TIA1: variants seen among roughly 807,000 people sequenced by gnomAD.
TIA1 encodes the protein cytotoxic granule associated RNA binding protein TIA1.
Under a neutral mutation model 65.9 loss-of-function variants are expected in TIA1, and 23 were observed. The observed-to-expected ratio is 0.35, with a 90% CI of 0.25 to 0.49. TIA1 has a LOEUF of 0.49. Ranked by LOEUF, TIA1 falls within the 20% of genes least tolerant of loss-of-function variation. TIA1 has a pLI of 0.98. For synonymous variants in TIA1, 147 were observed against 149.4 expected (o/e 0.98, Z 0.12); for missense variants, 371 against 477.9 (o/e 0.78, Z 2.09).
chr2:70,246,185 A>G (rs1694230230), intron 1 of TIA1, among the ~76,000 whole-genome samples: 1 of 152,110 alleles, frequency 6.6e-6, no homozygotes, highest in Non-Finnish European at 1.5e-5. Flanking sequence ...CAGCCCCCCA[A>G]AGTGTTAGGA....
chr2:70,241,390 C>A (rs138127455), intron 1 of TIA1, among the ~76,000 whole-genome samples: 1 of 151,044 alleles, frequency 6.6e-6, no homozygotes, highest in Non-Finnish European at 1.5e-5. Context: ...TGCAGTGAGC[C>A]GAGATCATGC....
At chr2:70,240,950 G>A (rs190185703) in intron 1 of TIA1, among the ~76,000 whole-genome samples, 5 of 152,052 alleles carry the variant, frequency 3.3e-5, no homozygotes, top group Admixed American at 6.5e-5. Context: ...AATGGATCCC[G>A]GATGAGGGGA....
At chr2:70,217,542 C>A (rs964619732) in intron 7 of TIA1, among the ~76,000 whole-genome samples, 8 of 152,252 alleles carry the variant, frequency 5.3e-5, no homozygotes, top group African/African-American at 1.9e-4. Flanking sequence ...GGACTACGGG[C>A]ACCTGCCACC....
At chr2:70,244,719 C>T (rs1352586721) in intron 1 of TIA1, among the ~76,000 whole-genome samples, 1 of 151,398 alleles carries the variant, frequency 6.6e-6, no homozygotes, top group Non-Finnish European at 1.5e-5. Flanking sequence ...CCTGCAGTCC[C>T]AGCTACTCCG....
At chr2:70,224,515 C>T (rs1682977297) in intron 7 of TIA1, 39 bp downstream of exon 7, 2 of 1,611,690 alleles carry the variant, frequency 1.2e-6, no homozygotes, top group East Asian at 2.2e-5. Flanking sequence ...CCATTCTTTA[C>T]TCTTTAAGCA....
intron 2 of TIA1, 34 bp from the exon 3 acceptor site, chr2:70,230,888 G>A: frequency 6.5e-7 from 1 of 1,532,358 alleles, no homozygotes. Flanking sequence ...CCAATTTTAA[G>A]CTTTATTCAC....
chr2:70,238,768 A>G (rs902532929), intron 1 of TIA1, among the ~76,000 whole-genome samples: 3 of 152,126 alleles, frequency 2.0e-5, no homozygotes, highest in Non-Finnish European at 4.4e-5. Flanking sequence ...TAAAGGGTTT[A>G]GATTAGGGGC....
intron 2 of TIA1, 78 bp from the exon 3 acceptor site, chr2:70,230,932 T>C: frequency 9.2e-7 from 1 of 1,083,352 alleles, no homozygotes; most frequent in Non-Finnish European, 1.4e-6. Flanking sequence ...AAAAAAAATC[T>C]TAAACCAAGT....
chr2:70,233,008 A>G, intron 2 of TIA1, among the ~76,000 whole-genome samples: 1 of 152,350 alleles, frequency 6.6e-6, no homozygotes, highest in East Asian at 1.9e-4. Context: ...CAAAATATCA[A>G]ATGACATTAT....
chr2:70,217,044 T>TC, intron 7 of TIA1, 50 bp from the exon 8 acceptor site: 13 of 1,545,136 alleles, frequency 8.4e-6, no homozygotes, highest in Non-Finnish European at 1.1e-5. Context: ...TTAGTTGATG[T>TC]TAAACAACTC....
intron 7 of TIA1, among the ~76,000 whole-genome samples, chr2:70,221,052 G>A (rs1465676458): frequency 6.6e-6 from 1 of 151,994 alleles, no homozygotes; most frequent in Non-Finnish European, 1.5e-5. Flanking sequence ...TGTTGCCCAG[G>A]CTGGAGTGCA....
intron 7 of TIA1, 133 bp from the exon 8 acceptor site, chr2:70,217,127 G>C: frequency 1.4e-6 from 1 of 722,096 alleles, no homozygotes; most frequent in Non-Finnish European, 2.0e-6. Context: ...CACAACATAT[G>C]ATAGCTTTCC....
At chr2:70,235,415 C>CA (rs1399480543) in intron 2 of TIA1, among the ~76,000 whole-genome samples, 1 of 151,170 alleles carries the variant, frequency 6.6e-6, no homozygotes, top group Non-Finnish European at 1.5e-5. Context: ...AACTCCGTCT[C>CA]AAAAAAAAAT....
intron 1 of TIA1, among the ~76,000 whole-genome samples, 166 bp from the exon 2 acceptor site, chr2:70,236,341 A>T (rs570469192): frequency 6.6e-6 from 1 of 152,132 alleles, no homozygotes; most frequent in South Asian, 2.1e-4. Context: ...CTGGGATTAC[A>T]GGCATGCGTG....
rs182880645 is a variant in TIA1 at position 70,225,118 on chromosome 2, T to A, written c.399-489A>T. ...ACTATTTAATTTTTTCAGATCAATT[T>A]ATACCCCCCTTTTTGTCTAAATTTT... On this transcript the variant is annotated intron_variant, in intron 6 of 12. Transcript: ENST00000433529. 5.9e-5 allele frequency: 60 copies of A among 1,022,840 alleles called. 1 individual carries two copies. The African/African-American group carries it at 9.7e-4, about 17-fold the overall frequency. The allele number at this position is 1,022,840 out of a possible 1,614,324, so 63.4% of individuals were successfully genotyped here. A position where few individuals can be genotyped will look rare whatever the true frequency, so the allele number is the denominator to read the frequency against.
At chr2:70,213,335 C>T (rs992257308) in intron 12 of TIA1, among the ~76,000 whole-genome samples, 19 of 149,414 alleles carry the variant, frequency 1.3e-4, no homozygotes, top group Admixed American at 5.3e-4. Context: ...ACAAGATTTT[C>T]TTTTCTTTTC....
At chr2:70,216,593 T>A in intron 8 of TIA1, 94 bp from the exon 9 acceptor site, 1 of 1,346,584 alleles carries the variant, frequency 7.4e-7, no homozygotes, top group Non-Finnish European at 1.0e-6. Flanking sequence ...AAGGTAACAT[T>A]AACCTTGATC....
chr2:70,232,452 A>G (rs1160896582), intron 2 of TIA1, among the ~76,000 whole-genome samples: 1 of 133,290 alleles, frequency 7.5e-6, no homozygotes, highest in Non-Finnish European at 1.6e-5. Flanking sequence ...AGGCAGGAGA[A>G]TCGCTTGAAC....
intron 7 of TIA1, among the ~76,000 whole-genome samples, chr2:70,221,886 C>G (rs749472947): frequency 2.0e-4 from 30 of 152,042 alleles, no homozygotes; most frequent in Non-Finnish European, 4.0e-4. Context: ...TTCCTGGGCT[C>G]AGGTGATTCC....
Sources: gnomAD v4.1 joint callset for allele counts (sites outside exome capture counted in the v4.1 genomes callset) on GRCh38, gnomAD v4.1.1 for gene constraint, MANE v1.5 for transcripts, NCBI Gene and HGNC (gene_info 2026-07-23, HGNC 2026-07-21) for gene names.